The following NT5DC4 variants were observed in gnomAD, a reference collection of about 807,000 sequenced individuals.
NT5DC4 encodes the protein 5'-nucleotidase domain-containing protein 4.
A neutral mutation model predicts 26.6 loss-of-function variants in NT5DC4; 44 were observed. The ratio of observed to expected loss-of-function variants is 1.65; its 90% CI spans 1.30 to 2.13. The LOEUF (loss-of-function observed/expected upper bound fraction) is 2.13. Ranked by LOEUF, NT5DC4 falls within the 30% of genes most tolerant of loss-of-function variation. The pLI, the probability that NT5DC4 is intolerant of heterozygous loss-of-function variation, is 0.00. For synonymous variants in NT5DC4, 157 were observed against 86.7 expected (o/e 1.81, Z -4.51); for missense variants, 399 against 228.1 (o/e 1.75, Z -4.83).
chr2:112,719,934 C>CTTTCTTTT (rs1553430208), upstream of NT5DC4, among the ~76,000 whole-genome samples: 32 of 66,026 alleles, frequency 4.8e-4, no homozygotes, highest in African/African-American at 1.9e-3. Flanking sequence ...CTCTTTCTTT[C>CTTTCTTTT]TTTCTTTCTT....
chr2:112,739,719 A>G (rs1679738893), downstream of NT5DC4, among the ~76,000 whole-genome samples: 1 of 152,206 alleles, frequency 6.6e-6, no homozygotes, highest in African/African-American at 2.4e-5. Context: ...CAGTGGTGCA[A>G]TCACAGCTCA....
chr2:112,738,919 A>G lies in NT5DC4; in HGVS notation c.1351A>G (p.Lys451Glu). The change falls in exon 17 of 17, where the codon AAG becomes GAG. Residue 451 changes from lysine (K) to glutamate (E), a missense_variant. Lys to Glu is a moderately conservative substitution (Grantham distance 56). Coordinates refer to ENST00000688554, the MANE Select transcript of NT5DC4 (RefSeq NM_001393655.1). The stretch of plus-strand genomic sequence containing the variant: ...TTTCTTCCACTTCTAACAGTTCATC[A>G]AGAGAAGCCACTACTAAATCGTGTT... The part of the protein sequence containing the change: ...CLLSCNQRFI[K>E]RSHY The G allele has an allele frequency of 3.1e-6, 5 of 1,614,136 alleles. No homozygotes were observed. The highest frequency in any genetic ancestry group is 4.2e-6 in the Non-Finnish European group (5 of 1,179,976).
At chr2:112,738,467 G>A in intron 16 of NT5DC4, 1 of 220,860 alleles carries the variant, frequency 4.5e-6, no homozygotes, top group Non-Finnish European at 9.1e-6. Context: ...CTGCTAAGGT[G>A]GATGCAGAAA....
In NT5DC4 at chr2:112,725,085, T is replaced by A. The variant is rs575083306; in HGVS notation, c.916-89T>A. ...TCCTCCCACACCCCCCATGGTTACC[T>A]CTGCCACTCCCAGCTCCCTGCGACC... On this transcript the variant is annotated intron_variant, in intron 11 of 16. Coordinates refer to ENST00000688554, the MANE Select transcript of NT5DC4 (RefSeq NM_001393655.1). The A allele has an allele frequency of 2.5e-4, 165 of 660,614 alleles. No homozygotes were observed. In the African/African-American group the frequency reaches 2.7e-3, roughly 11 times the overall value. The allele number at this position is 660,614 out of a possible 1,614,324, so 40.9% of individuals were successfully genotyped here.
chr2:112,723,315 G>T, intron 7 of NT5DC4, 103 bp from the exon 8 acceptor site: 3 of 695,300 alleles, frequency 4.3e-6, no homozygotes, highest in Admixed American at 2.1e-5. Flanking sequence ...TCCCAGAGCC[G>T]CCCACTTTTC....
intron 8 of NT5DC4, 26 bp from the exon 9 acceptor site, chr2:112,723,693 T>A (rs769906646): frequency 2.2e-5 from 16 of 715,272 alleles, no homozygotes; most frequent in Non-Finnish European, 3.6e-5. Context: ...GTCCCACCCC[T>A]GCAAGTCCCT....
downstream of NT5DC4, among the ~76,000 whole-genome samples, chr2:112,741,260 C>T (rs1679942148): frequency 6.6e-6 from 1 of 151,986 alleles, no homozygotes; most frequent in Non-Finnish European, 1.5e-5. Context: ...TTCTTGACAC[C>T]CTTTCAAGAC....
At chr2:112,721,516 A>T in intron 1 of NT5DC4, 2 of 717,926 alleles carry the variant, frequency 2.8e-6, no homozygotes, top group East Asian at 5.4e-5. Flanking sequence ...CTACTTTCTT[A>T]CAGGGTTGGA....
chr2:112,735,089 G>A (rs1355778208), intron 16 of NT5DC4, among the ~76,000 whole-genome samples: 1 of 137,980 alleles, frequency 7.2e-6, no homozygotes, highest in Non-Finnish European at 1.5e-5. Flanking sequence ...TGTCACCCAG[G>A]CTGGGATGCA....
chr2:112,727,444 G>A (rs1312499799), intron 15 of NT5DC4, among the ~76,000 whole-genome samples: 1 of 152,188 alleles, frequency 6.6e-6, no homozygotes, highest in Non-Finnish European at 1.5e-5. Context: ...GGTGGGGCCT[G>A]CCAGGATAGT....
chr2:112,734,111 G>A (rs1317033547), intron 16 of NT5DC4, among the ~76,000 whole-genome samples: 5 of 151,216 alleles, frequency 3.3e-5, no homozygotes, highest in East Asian at 1.9e-4. Context: ...GTGAGATAAC[G>A]GACATGGAGC....
rs538831692 is a variant in NT5DC4 at position 112,723,162 on chromosome 2, C to T, written c.609C>T (p.Asn203=). 1.4e-6 allele frequency: 1 copy of T among 717,362 alleles called. No individual in the cohort carries two copies. Among genetic ancestry groups the T allele is most frequent in the East Asian group, 2.7e-5 (1 of 37,274 alleles). 44.4% of individuals were successfully genotyped at this position (717,362 alleles called of 1,614,324 possible). A position where few individuals can be genotyped will look rare whatever the true frequency, so the allele number is the denominator to read the frequency against. ...LFQDVTDAMN[N]IHQSGCLKKT... is the part of the protein sequence containing the mutation. ...AGGATGTGACTGATGCCATGAATAA[C>T]ATCCACCAGTCGGTGAGTGAGTGGT... is the stretch of plus-strand genomic sequence containing the variant. The change falls in exon 7 of 17, where the codon AAC becomes AAT. Residue 203 remains asparagine (N), a synonymous_variant. Transcript: ENST00000688554.
intron 15 of NT5DC4, among the ~76,000 whole-genome samples, chr2:112,729,276 C>A (rs1162893930): frequency 1.3e-5 from 2 of 152,208 alleles, no homozygotes; most frequent in African/African-American, 2.4e-5. Flanking sequence ...GCATGCACTA[C>A]CATGCCCAGC....
chr2:112,719,824 TC>T (rs1676651157), upstream of NT5DC4, among the ~76,000 whole-genome samples: 1 of 125,512 alleles, frequency 8.0e-6, no homozygotes, highest in South Asian at 2.9e-4. Flanking sequence ...TCCTTTCCTT[TC>T]CCTTCCTTCC....
At chr2:112,736,186 T>C (rs1048325401) in intron 16 of NT5DC4, among the ~76,000 whole-genome samples, 1 of 152,126 alleles carries the variant, frequency 6.6e-6, no homozygotes, top group Non-Finnish European at 1.5e-5. Flanking sequence ...TGTCTGAGGT[T>C]CAAGGCAAGA....
intron 16 of NT5DC4, among the ~76,000 whole-genome samples, chr2:112,734,607 T>A (rs1015812362): frequency 3.9e-5 from 6 of 152,220 alleles, no homozygotes; most frequent in African/African-American, 1.4e-4. Context: ...TTGCCAGGAC[T>A]GGGTCACATG....
At chr2:112,738,174 A>T (rs1462109156) in intron 16 of NT5DC4, 5 of 152,098 alleles carry the variant, frequency 3.3e-5, no homozygotes, top group African/African-American at 1.2e-4. Flanking sequence ...TAACAAATGC[A>T]AAACTAGGTT....
At chr2:112,726,424 C>T in intron 14 of NT5DC4, 135 bp downstream of exon 14, 2 of 674,312 alleles carry the variant, frequency 3.0e-6, no homozygotes, top group Admixed American at 2.2e-5. Flanking sequence ...GCTGGGCTTC[C>T]CTAGCAAACT....
chr2:112,742,849 CAT>C, downstream of NT5DC4: 1 of 886,068 alleles, frequency 1.1e-6, no homozygotes, highest in East Asian at 2.5e-5. Flanking sequence ...ACTTCAAATA[CAT>C]GTTTTATAAT....
Sources: gnomAD v4.1 joint callset for allele counts (sites outside exome capture counted in the v4.1 genomes callset) on GRCh38, gnomAD v4.1.1 for gene constraint, MANE v1.5 for transcripts, NCBI Gene and HGNC (gene_info 2026-07-23, HGNC 2026-07-21) for gene names.